GRIN3A: variants seen among roughly 807,000 people sequenced by gnomAD.
The protein encoded by GRIN3A is glutamate ionotropic receptor NMDA type subunit 3A, also known as glutamate receptor ionotropic, NMDA 3A.
GRIN3A carries 47 observed loss-of-function variants against 92.4 expected under a neutral mutation model. The observed-to-expected ratio is 0.51, with a 90% confidence interval of 0.40 to 0.65. The LOEUF is 0.65. Among genes scored for constraint, GRIN3A ranks in the 30% least tolerant of loss-of-function variants. The probability of loss-of-function intolerance (pLI) is 0.00; values close to 1 mark genes in which losing one functional copy is unlikely to be tolerated. For missense variants in GRIN3A, 1,324 were observed against 1,393.1 expected (o/e 0.95, Z 0.79); for synonymous variants, 527 against 540.6 (o/e 0.97, Z 0.35).
Position 101,686,489 on chromosome 9 carries a change from T to A in GRIN3A, c.1304+107A>T. 9.8e-6 allele frequency: 12 copies of A among 1,224,820 alleles called. No individual in the cohort carries two copies. The South Asian group carries it at 1.5e-4, about 15-fold the overall frequency. The allele number at this position is 1,224,820 out of a possible 1,614,324, so 75.9% of individuals were successfully genotyped here. A position where few individuals can be genotyped will look rare whatever the true frequency, so the allele number is the denominator to read the frequency against. The stretch of plus-strand genomic sequence containing the variant: ...AATCCTCTAAGAAATATTATTAAAG[T>A]TTAAAGCTACTCAGAGTCAAGATTT... On this transcript the variant is annotated intron_variant, in intron 2 of 8. Coordinates refer to ENST00000361820, the MANE Select transcript of GRIN3A (RefSeq NM_133445.3).
chr9:101,639,200 G>A (rs1482412355), intron 3 of GRIN3A, among the ~76,000 whole-genome samples: 1 of 152,166 alleles, frequency 6.6e-6, no homozygotes, highest in Non-Finnish European at 1.5e-5. Flanking sequence ...TGTCTTACAT[G>A]AGACTTTTAA....
intron 3 of GRIN3A, among the ~76,000 whole-genome samples, chr9:101,641,562 T>C (rs1349114630): frequency 1.3e-5 from 2 of 151,742 alleles, no homozygotes; most frequent in African/African-American, 4.8e-5. Context: ...TTCTCACTCA[T>C]TGGTGGGAAT....
intron 1 of GRIN3A, among the ~76,000 whole-genome samples, chr9:101,697,833 G>A (rs1318975564): frequency 1.3e-5 from 2 of 152,122 alleles, no homozygotes; most frequent in African/African-American, 2.4e-5. Context: ...ATAATTTGTT[G>A]AGTTGAGATC....
chr9:101,721,981 C>T (rs955895285), intron 1 of GRIN3A, among the ~76,000 whole-genome samples: 4 of 152,170 alleles, frequency 2.6e-5, no homozygotes, highest in African/African-American at 9.7e-5. Context: ...AGCAGAGAGC[C>T]TAATGTTAAT....
At position 101,715,200 on chromosome 9, in the gene GRIN3A, TAAAAAAAAAA is replaced by T. The variant is rs5899459; in HGVS notation, c.699+22071_699+22080del. Among the ~76,000 whole-genome samples the T allele has an allele frequency of 2.9e-3, 372 of 127,688 alleles. 2 individuals are homozygous for T. The highest frequency in any genetic ancestry group is 0.01 in the African/African-American group (339 of 33,354). 83.8% of individuals were successfully genotyped at this position (127,688 alleles called of 152,430 possible). On this transcript the variant is annotated intron_variant, in intron 1 of 8. Coordinates refer to ENST00000361820, the MANE Select transcript of GRIN3A (RefSeq NM_133445.3). ...ATGGGACATTTTGTGACAAAAATGGTAAAAAAAAAAAAAAAAAAAGAAAATGTCAACATTC... is the reference window on the plus strand; with the variant it reads ...ATGGGACATTTTGTGACAAAAATGGTAAAAAAAAAGAAAATGTCAACATTC...
chr9:101,705,606 A>C (rs1564148928), intron 1 of GRIN3A, among the ~76,000 whole-genome samples: 1 of 152,104 alleles, frequency 6.6e-6, no homozygotes, highest in Non-Finnish European at 1.5e-5. Context: ...GCACCTGTTC[A>C]TCTGCGTGCT....
chr9:101,589,252 C>T lies in GRIN3A; in HGVS notation c.2767-9892G>A, dbSNP rs780191192. ...CCTCCCAAAGTGCTGGGATTAAAGA[C>T]GTGAGCCTCTGCACCTGGCCATGTA... On this transcript the variant is annotated intron_variant, in intron 6 of 8. Transcript: ENST00000361820. 5.9e-5 allele frequency among the ~76,000 whole-genome samples: 9 copies of T among 152,194 alleles called. No homozygotes were observed. In the South Asian group the frequency reaches 1.2e-3, roughly 21 times the overall value.
At chr9:101,623,460 T>A in intron 4 of GRIN3A, 27 bp from the exon 5 acceptor site, 1 of 1,434,452 alleles carries the variant, frequency 7.0e-7, no homozygotes, top group Non-Finnish European at 9.8e-7. Flanking sequence ...AGGAGAAAAG[T>A]GAAAATGATT....
At chr9:101,705,611 C>A (rs1829807248) in intron 1 of GRIN3A, among the ~76,000 whole-genome samples, 1 of 152,144 alleles carries the variant, frequency 6.6e-6, no homozygotes, top group Non-Finnish European at 1.5e-5. Context: ...TGTTCATCTG[C>A]GTGCTCCCCC....
intron 3 of GRIN3A, 112 bp from the exon 4 acceptor site, chr9:101,628,513 C>T: frequency 9.9e-7 from 1 of 1,006,190 alleles, no homozygotes; most frequent in Non-Finnish European, 1.5e-6. Context: ...TTTTCTAACC[C>T]CCACAGGCAG....
intron 1 of GRIN3A, among the ~76,000 whole-genome samples, chr9:101,690,467 G>A: frequency 6.6e-6 from 1 of 152,156 alleles, no homozygotes; most frequent in East Asian, 1.9e-4. Context: ...GCTGGGGAAT[G>A]TGTGTGCTGC....
At chr9:101,687,378 C>A (rs1050289134) in intron 1 of GRIN3A, among the ~76,000 whole-genome samples, 178 bp from the exon 2 acceptor site, 1 of 152,048 alleles carries the variant, frequency 6.6e-6, no homozygotes, top group Non-Finnish European at 1.5e-5. Flanking sequence ...CTATTGATTC[C>A]TAACAACTGA....
At chr9:101,605,925 ACAAT>A (rs1828275045) in intron 6 of GRIN3A, among the ~76,000 whole-genome samples, 1 of 152,204 alleles carries the variant, frequency 6.6e-6, no homozygotes, top group African/African-American at 2.4e-5. Context: ...AAATCTTGTA[ACAAT>A]CAAGTAAGAT....
intron 8 of GRIN3A, among the ~76,000 whole-genome samples, chr9:101,573,766 A>G (rs1827792140): frequency 7.8e-6 from 1 of 128,570 alleles, no homozygotes; most frequent in South Asian, 2.6e-4. Context: ...AGGATGGGGT[A>G]TGGTGCATTT....
chr9:101,607,454 A>T (rs1828301842), intron 6 of GRIN3A, among the ~76,000 whole-genome samples: 1 of 152,180 alleles, frequency 6.6e-6, no homozygotes, highest in African/African-American at 2.4e-5. Context: ...AGTAAACCGA[A>T]AAATGGAATC....
intron 6 of GRIN3A, among the ~76,000 whole-genome samples, chr9:101,588,736 G>A (rs7846860): frequency 0.13 from 19,495 of 151,750 alleles, 1,406 homozygotes; most frequent in East Asian, 0.17. Flanking sequence ...GATATAACAA[G>A]TTTGCATTAT....
intron 1 of GRIN3A, among the ~76,000 whole-genome samples, chr9:101,717,781 A>T (rs939058281): frequency 1.3e-5 from 2 of 152,250 alleles, no homozygotes; most frequent in Non-Finnish European, 2.9e-5. Flanking sequence ...GCAGTGGTTC[A>T]AAGATGTGAG....
intron 3 of GRIN3A, among the ~76,000 whole-genome samples, chr9:101,657,573 G>C (rs954801894): frequency 6.6e-6 from 1 of 152,004 alleles, no homozygotes; most frequent in East Asian, 2.0e-4. Flanking sequence ...TTAACAGTGG[G>C]AATATTAATT....
chr9:101,659,069 C>T (rs1829133753), intron 3 of GRIN3A, among the ~76,000 whole-genome samples: 1 of 151,684 alleles, frequency 6.6e-6, no homozygotes, highest in Non-Finnish European at 1.5e-5. Context: ...ACAAAAGGAG[C>T]CCTCTTGGGG....
Sources: allele counts gnomAD v4.1 joint callset (sites outside exome capture counted in the v4.1 genomes callset), GRCh38; gene constraint gnomAD v4.1.1; transcripts MANE v1.5; gene names NCBI Gene and HGNC (gene_info 2026-07-23, HGNC 2026-07-21).